SEPTIN11: variants seen among roughly 807,000 people sequenced by gnomAD.
The protein encoded by SEPTIN11 is septin-11.
A neutral mutation model predicts 51.4 loss-of-function variants in SEPTIN11; 25 were observed. The ratio of observed to expected loss-of-function variants is 0.49; its 90% CI spans 0.35 to 0.68. The LOEUF (loss-of-function observed/expected upper bound fraction) is 0.68. Ranked by LOEUF, SEPTIN11 falls within the 30% of genes least tolerant of loss-of-function variation. The probability of loss-of-function intolerance (pLI) is 0.00; values close to 1 mark genes in which losing one functional copy is unlikely to be tolerated. For synonymous variants in SEPTIN11, 174 were observed against 184.1 expected (o/e 0.95, Z 0.44); for missense variants, 381 against 520.8 (o/e 0.73, Z 2.61).
At position 77,034,723 on chromosome 4, in the gene SEPTIN11, T is replaced by TG; in HGVS notation, c.*213dup. Reference sequence around the variant, plus strand: ...AATAACCGCGAATGCTCTGTGCAGCTGGACTCTGTTTCCGGAAAGTAAATG... The same window carrying TG: ...AATAACCGCGAATGCTCTGTGCAGCTGGGACTCTGTTTCCGGAAAGTAAATG... On this transcript the variant is annotated 3_prime_UTR_variant, in exon 10 of 10. Coordinates refer to ENST00000264893, the MANE Select transcript of SEPTIN11 (RefSeq NM_018243.4). 2 of 1,262,838 alleles carry TG rather than the reference T, an allele frequency of 1.6e-6. No individual in the cohort carries two copies. Among genetic ancestry groups the TG allele is most frequent in the Non-Finnish European group, 2.0e-6 (2 of 1,000,052 alleles). The allele number at this position is 1,262,838 out of a possible 1,614,324, so 78.2% of individuals were successfully genotyped here. A position where few individuals can be genotyped will look rare whatever the true frequency, so the allele number is the denominator to read the frequency against.
At position 77,038,168 on chromosome 4, in the gene SEPTIN11, G is replaced by A; in HGVS notation, c.*3656G>A. Reference sequence around the variant, plus strand: ...ACTGACAGGACACATTCTTTAGTGGGAATTAAGACCTACAAAGTCTAGTTT... The same window carrying A: ...ACTGACAGGACACATTCTTTAGTGGAAATTAAGACCTACAAAGTCTAGTTT... On this transcript the variant is annotated 3_prime_UTR_variant, in exon 10 of 10. Coordinates refer to ENST00000264893, the MANE Select transcript of SEPTIN11 (RefSeq NM_018243.4). 2 of 985,850 alleles carry A rather than the reference G, an allele frequency of 2.0e-6. No homozygotes were observed. Among genetic ancestry groups the A allele is most frequent in the Non-Finnish European group, 2.4e-6 (2 of 829,908 alleles). The allele number at this position is 985,850 out of a possible 1,614,324, so 61.1% of individuals were successfully genotyped here. A position where few individuals can be genotyped will look rare whatever the true frequency, so the allele number is the denominator to read the frequency against.
intron 2 of SEPTIN11, among the ~76,000 whole-genome samples, chr4:77,001,503 C>A (rs569276483): frequency 6.6e-6 from 1 of 152,102 alleles, no homozygotes; most frequent in African/African-American, 2.4e-5. Context: ...GTGCCCACCA[C>A]CACACCTGGC....
chr4:77,015,468 A>G (rs961814466), intron 5 of SEPTIN11, among the ~76,000 whole-genome samples: 4 of 152,170 alleles, frequency 2.6e-5, no homozygotes, highest in African/African-American at 9.7e-5. Flanking sequence ...TGAGGATACA[A>G]TTTCCACATC....
intron 1 of SEPTIN11, among the ~76,000 whole-genome samples, chr4:76,994,679 T>C (rs773863762): frequency 6.6e-6 from 1 of 152,230 alleles, no homozygotes; most frequent in South Asian, 2.1e-4. Flanking sequence ...AGAGCTGATA[T>C]GGACTTTAGA....
chr4:76,997,763 T>C (rs1414073746), intron 2 of SEPTIN11, among the ~76,000 whole-genome samples: 2 of 152,216 alleles, frequency 1.3e-5, no homozygotes, highest in Non-Finnish European at 2.9e-5. Context: ...TCATGATAAA[T>C]GCTCATTGCA....
chr4:76,976,180 A>G (rs896090045), intron 1 of SEPTIN11, among the ~76,000 whole-genome samples: 2 of 152,204 alleles, frequency 1.3e-5, no homozygotes, highest in Non-Finnish European at 2.9e-5. Flanking sequence ...TTAGTACTTG[A>G]GGAAACAGTA....
chr4:77,014,980 A>G lies in SEPTIN11; in HGVS notation c.650A>G (p.Asp217Gly). The G allele has an allele frequency of 6.2e-7, 1 of 1,614,008 alleles. No individual in the cohort carries two copies. The highest frequency in any genetic ancestry group is 8.5e-7 in the Non-Finnish European group (1 of 1,179,960). Residue 217 changes from aspartate (D) to glycine (G), a missense_variant, in exon 5 of 10, where the codon GAT becomes GGT. Coordinates refer to ENST00000264893, the MANE Select transcript of SEPTIN11 (RefSeq NM_018243.4). ...GTCCAGATATATCAGTTTCCCACTG[A>G]TGAAGAAACGGTGGCAGAGATTAAC... ...NGVQIYQFPT[D>G]EETVAEINAT...
chr4:76,949,994 G>A (rs1444396322), intron 1 of SEPTIN11, 64 bp downstream of exon 1: 1 of 1,375,000 alleles, frequency 7.3e-7, no homozygotes, highest in Non-Finnish European at 9.4e-7. Context: ...TGGGGCGGGT[G>A]CGGTGAGGAC....
chr4:77,034,366 A>G (rs941254949), intron 9 of SEPTIN11, 131 bp from the exon 10 acceptor site: 10 of 837,774 alleles, frequency 1.2e-5, no homozygotes, highest in Admixed American at 8.3e-5. Flanking sequence ...TTTGGTTTTA[A>G]TTTCTGTCAA....
At chr4:76,997,194 GAATGGCAGGTGA>G in intron 2 of SEPTIN11, among the ~76,000 whole-genome samples, 2 of 152,292 alleles carry the variant, frequency 1.3e-5, no homozygotes, top group Middle Eastern at 6.8e-3. Flanking sequence ...CACGCCTGAT[GAATGGCAGGTGA>G]AACAGCAGTG....
intron 1 of SEPTIN11, among the ~76,000 whole-genome samples, chr4:76,979,676 G>C (rs1291906125): frequency 1.3e-5 from 2 of 152,060 alleles, no homozygotes; most frequent in Non-Finnish European, 2.9e-5. Flanking sequence ...CTGAGGTCAG[G>C]AGTTCAAGAA....
At chr4:77,003,542 A>G (rs1466587408) in intron 2 of SEPTIN11, among the ~76,000 whole-genome samples, 2 of 152,208 alleles carry the variant, frequency 1.3e-5, no homozygotes, top group Non-Finnish European at 2.9e-5. Flanking sequence ...GGTTGACTAA[A>G]GAGGAAATTC....
At chr4:76,989,497 A>G (rs1198487441) in intron 1 of SEPTIN11, among the ~76,000 whole-genome samples, 1 of 152,194 alleles carries the variant, frequency 6.6e-6, no homozygotes, top group African/African-American at 2.4e-5. Context: ...AACCACATCT[A>G]CCGAAACACT....
intron 1 of SEPTIN11, among the ~76,000 whole-genome samples, chr4:76,963,982 T>A (rs976409646): frequency 2.0e-5 from 3 of 152,076 alleles, no homozygotes; most frequent in African/African-American, 7.2e-5. Flanking sequence ...GGCCCCAGTG[T>A]GTGATGTTCC....
intron 1 of SEPTIN11, among the ~76,000 whole-genome samples, chr4:76,956,640 T>G (rs1019885466): frequency 2.0e-5 from 3 of 152,204 alleles, no homozygotes; most frequent in Admixed American, 6.5e-5. Flanking sequence ...AACCCTGGCT[T>G]CTCAAGAGCT....
intron 1 of SEPTIN11, among the ~76,000 whole-genome samples, chr4:76,968,946 C>T (rs1476722183): frequency 6.6e-6 from 1 of 152,178 alleles, no homozygotes; most frequent in African/African-American, 2.4e-5. Context: ...ATTTATTCTA[C>T]TCAAACACTG....
At position 76,996,449 on chromosome 4, in the gene SEPTIN11, T is replaced by C. The variant is rs1560718057; in HGVS notation, c.52T>C (p.Leu18=). Residue 18 remains leucine (L), a synonymous_variant, in exon 2 of 10, where the codon TTG becomes CTG. Coordinates refer to ENST00000264893, the MANE Select transcript of SEPTIN11 (RefSeq NM_018243.4). Reference sequence around the variant, plus strand: ...GAATGAAGAGCTTCGAAACTTGTCTTTGTCTGGCCATGTGGGATTTGACAG... The same window carrying C: ...GAATGAAGAGCTTCGAAACTTGTCTCTGTCTGGCCATGTGGGATTTGACAG... ...PSNEELRNLS[L]SGHVGFDSLP... 6.2e-7 allele frequency: 1 copy of C among 1,614,130 alleles called. No individual in the cohort carries two copies. Among genetic ancestry groups the C allele is most frequent in the East Asian group, 2.2e-5 (1 of 44,882 alleles).
At chr4:77,038,779 A>G (rs1560759545), downstream of SEPTIN11, among the ~76,000 whole-genome samples, 1 of 152,106 alleles carries the variant, frequency 6.6e-6, no homozygotes, top group Non-Finnish European at 1.5e-5. Flanking sequence ...TCTCAAAGAT[A>G]CGTGCCATGT....
At chr4:76,951,546 C>A (rs1433301727) in intron 1 of SEPTIN11, among the ~76,000 whole-genome samples, 1 of 152,222 alleles carries the variant, frequency 6.6e-6, no homozygotes, top group African/African-American at 2.4e-5. Context: ...CCTCCCCCTG[C>A]CCCCCATTAT....
Sources: gnomAD v4.1 joint callset for allele counts (sites outside exome capture counted in the v4.1 genomes callset) on GRCh38, gnomAD v4.1.1 for gene constraint, MANE v1.5 for transcripts, NCBI Gene and HGNC (gene_info 2026-07-23, HGNC 2026-07-21) for gene names.